Variants in CDH12 observed in about 807,000 individuals in gnomAD.
The protein encoded by CDH12 is cadherin 12.
CDH12 carries 41 observed loss-of-function variants against 74.1 expected under a neutral mutation model. The ratio of observed to expected loss-of-function variants is 0.55; its 90% CI spans 0.43 to 0.72. The LOEUF is 0.72. Among genes scored for constraint, CDH12 ranks in the 30% least tolerant of loss-of-function variants. The pLI is 0.00. For missense variants in CDH12, 945 were observed against 977.2 expected, an observed-to-expected ratio of 0.97 and a Z score of 0.44; for synonymous variants, 399 against 355.0, an observed-to-expected ratio of 1.12 and a Z score of -1.39.
chr5:22,151,988 G>C (rs563923945), intron 4 of CDH12: 1 of 151,946 alleles, frequency 6.6e-6, no homozygotes, highest in Non-Finnish European at 1.5e-5. Flanking sequence ...TTCCGTTCTC[G>C]GGGGAAAGGT....
At chr5:22,413,550 A>G (rs1396571974) in intron 2 of CDH12, among the ~76,000 whole-genome samples, 1 of 152,028 alleles carries the variant, frequency 6.6e-6, no homozygotes, top group Non-Finnish European at 1.5e-5. Flanking sequence ...TGCTTTGAAA[A>G]GTGAATAAAC....
At chr5:22,456,245 T>C (rs1745267461) in intron 2 of CDH12, among the ~76,000 whole-genome samples, 1 of 2,984 alleles carries the variant, frequency 3.4e-4, no homozygotes, top group African/African-American at 7.9e-4. Flanking sequence ...TCTATATATA[T>C]GTGTGTGTGT....
intron 1 of CDH12, among the ~76,000 whole-genome samples, chr5:22,713,787 C>T (rs911013329): frequency 6.6e-6 from 1 of 152,102 alleles, no homozygotes; most frequent in Non-Finnish European, 1.5e-5. Context: ...CATCCTACTG[C>T]TAATGTAACC....
chr5:22,704,273 G>T (rs930433970), intron 1 of CDH12, among the ~76,000 whole-genome samples: 1 of 152,128 alleles, frequency 6.6e-6, no homozygotes, highest in Non-Finnish European at 1.5e-5. Context: ...GCTAAGATGT[G>T]TAGAGCAGTG....
At chr5:22,593,595 T>C (rs73062219) in intron 1 of CDH12, among the ~76,000 whole-genome samples, 6,386 of 152,296 alleles carry the variant, frequency 0.042, 420 homozygotes, top group African/African-American at 0.14. Context: ...TTTAATTATC[T>C]CTTTTTGTAA....
chr5:21,987,388 A>G (rs1394786795), intron 5 of CDH12, among the ~76,000 whole-genome samples: 1 of 152,198 alleles, frequency 6.6e-6, no homozygotes, highest in African/African-American at 2.4e-5. Context: ...AGACAAAATG[A>G]CCTATGAATC....
At chr5:22,265,411 T>G (rs551613865) in intron 3 of CDH12, among the ~76,000 whole-genome samples, 1 of 152,310 alleles carries the variant, frequency 6.6e-6, no homozygotes, top group South Asian at 2.1e-4. Context: ...AGCTAGTTAC[T>G]ATAGTCTTAA....
intron 1 of CDH12, among the ~76,000 whole-genome samples, chr5:22,721,947 T>C (rs1743919918): frequency 6.6e-6 from 1 of 152,036 alleles, no homozygotes; most frequent in Non-Finnish European, 1.5e-5. Flanking sequence ...GAACTGTGAG[T>C]CAATTAAACC....
chr5:21,880,611 CCTTCCTTCT>C (rs1752248710), intron 6 of CDH12, among the ~76,000 whole-genome samples: 21 of 79,576 alleles, frequency 2.6e-4, no homozygotes, highest in African/African-American at 9.7e-4. Context: ...TTCCTTCCTT[CCTTCCTTCT>C]TTCTTTCTTT....
At chr5:22,079,899 G>A (rs1443925218) in intron 4 of CDH12, among the ~76,000 whole-genome samples, 59 of 145,824 alleles carry the variant, frequency 4.0e-4, no homozygotes, top group African/African-American at 1.2e-3. Flanking sequence ...TATGCAAATG[G>A]AAAAAAAAAA....
At chr5:21,987,098 C>CT (rs1458310798) in intron 5 of CDH12, among the ~76,000 whole-genome samples, 2 of 152,166 alleles carry the variant, frequency 1.3e-5, no homozygotes, top group African/African-American at 4.8e-5. Flanking sequence ...TTCTGTTAGT[C>CT]TTTATTATCA....
At chr5:22,817,598 C>T (rs1391495490) in intron 1 of CDH12, among the ~76,000 whole-genome samples, 2 of 152,060 alleles carry the variant, frequency 1.3e-5, no homozygotes, top group African/African-American at 4.8e-5. Context: ...GATTTAATTA[C>T]TTGGCTGATT....
intron 4 of CDH12, among the ~76,000 whole-genome samples, chr5:22,175,790 C>G (rs1749297388): frequency 6.6e-6 from 1 of 152,042 alleles, no homozygotes; most frequent in African/African-American, 2.4e-5. Flanking sequence ...TCTCCTCCAC[C>G]CTTTCAGTGA....
rs529720706 is a variant in CDH12 at position 22,576,977 on chromosome 5, T to C, written c.-522-71613A>G. 2.6e-5 allele frequency among the ~76,000 whole-genome samples: 4 copies of C among 152,276 alleles called. No individual in the cohort carries two copies. The East Asian group carries it at 5.8e-4, about 22-fold the overall frequency. On this transcript the variant is annotated intron_variant, in intron 1 of 14. Transcript: ENST00000382254. ...AGCCTTTACCCATATTTCTCTAGAA[T>C]CATATTTACAAAATGATATTAATAT...
chr5:22,269,190 T>G (rs1026253517), intron 3 of CDH12, among the ~76,000 whole-genome samples: 1 of 152,176 alleles, frequency 6.6e-6, no homozygotes, highest in African/African-American at 2.4e-5. Flanking sequence ...GTATTTTGTT[T>G]TAATCAATAT....
intron 11 of CDH12, among the ~76,000 whole-genome samples, chr5:21,782,287 G>A (rs74426919): frequency 0.031 from 4,763 of 152,272 alleles, 174 homozygotes; most frequent in East Asian, 0.15. Flanking sequence ...CAGAAGCTGC[G>A]TGATCTTTTA....
At chr5:22,494,099 T>C (rs938554133) in intron 2 of CDH12, among the ~76,000 whole-genome samples, 1 of 152,186 alleles carries the variant, frequency 6.6e-6, no homozygotes, top group South Asian at 2.1e-4. Flanking sequence ...TGGTCGAGCA[T>C]GGTGTACAGT....
At chr5:22,545,100 C>G (rs551320447) in intron 1 of CDH12, among the ~76,000 whole-genome samples, 1 of 152,154 alleles carries the variant, frequency 6.6e-6, no homozygotes, top group Non-Finnish European at 1.5e-5. Flanking sequence ...CCTCTGGCTA[C>G]TTTTGAGGTG....
intron 6 of CDH12, among the ~76,000 whole-genome samples, chr5:21,931,553 G>A (rs1229655398): frequency 1.3e-5 from 2 of 152,082 alleles, no homozygotes; most frequent in Middle Eastern, 3.2e-3. Context: ...TTTTTTCAAT[G>A]CATAATAAAT....
Sources: gnomAD v4.1 joint callset for allele counts (sites outside exome capture counted in the v4.1 genomes callset) on GRCh38, gnomAD v4.1.1 for gene constraint, MANE v1.5 for transcripts, NCBI Gene and HGNC (gene_info 2026-07-23, HGNC 2026-07-21) for gene names.